Variants in UBR4 observed in about 807,000 individuals in gnomAD.
UBR4 encodes ubiquitin protein ligase E3 component n-recognin 4.
A neutral mutation model predicts 575.6 loss-of-function variants in UBR4; 124 were observed. The observed-to-expected ratio is 0.22, with a 90% CI of 0.19 to 0.25. The LOEUF (loss-of-function observed/expected upper bound fraction) is 0.25. UBR4 is among the 10% of genes least tolerant of loss of function. The probability of loss-of-function intolerance (pLI) is 1.00; values close to 1 mark genes in which losing one functional copy is unlikely to be tolerated. For missense variants in UBR4, 4,818 were observed against 6,478.8 expected, an observed-to-expected ratio of 0.74 and a Z score of 8.80; for synonymous variants, 2,455 against 2,473.7, an observed-to-expected ratio of 0.99 and a Z score of 0.22.
intron 26 of UBR4, among the ~76,000 whole-genome samples, chr1:19,170,530 T>C (rs971882457): frequency 5.3e-5 from 8 of 152,320 alleles, no homozygotes; most frequent in East Asian, 1.9e-4. Context: ...AGATGCAGGA[T>C]TGTGGACAAA....
intron 60 of UBR4, among the ~76,000 whole-genome samples, chr1:19,130,606 T>C (rs2082308997): frequency 6.6e-6 from 1 of 152,230 alleles, no homozygotes; most frequent in Non-Finnish European, 1.5e-5. Context: ...ATGAGCTAAC[T>C]GTTCTTCAGA....
At position 19,117,367 on chromosome 1, in the gene UBR4, G is replaced by T. The variant is rs367755057; in HGVS notation, c.10677C>A (p.Thr3559=). ...SIKVDTRYTT[T]QQVVKLIGSH... ...TGCCAATGAGCTTCACAACCTGCTG[G>T]GTGGTGGTGTACCGCGTGTCCACTT... The change falls in exon 73 of 106, where the codon ACC becomes ACA. Residue 3559 remains threonine, a synonymous_variant. Transcript: ENST00000375254. This position sits in a 1 kb window ranked among gnomAD's most constrained non-coding sequence, Gnocchi z 4.0. 3 of 1,614,158 alleles carry T rather than the reference G, an allele frequency of 1.9e-6. No homozygotes were observed. The South Asian group carries it at 3.3e-5, about 18-fold the overall frequency.
At chr1:19,170,631 C>T in intron 26 of UBR4, 131 bp downstream of exon 26, 1 of 1,255,910 alleles carries the variant, frequency 8.0e-7, no homozygotes, top group East Asian at 2.4e-5. Context: ...GACAAACCTA[C>T]CTAAATGCTT....
intron 60 of UBR4, among the ~76,000 whole-genome samples, chr1:19,131,876 A>AAAAC (rs560879748): frequency 6.6e-6 from 1 of 152,190 alleles, no homozygotes; most frequent in Non-Finnish European, 1.5e-5. Flanking sequence ...TACGTCTGAA[A>AAAAC]AAACAAACAA....
At chr1:19,201,239 T>C (rs2092727618) in intron 2 of UBR4, among the ~76,000 whole-genome samples, 1 of 152,164 alleles carries the variant, frequency 6.6e-6, no homozygotes, top group Non-Finnish European at 1.5e-5. Flanking sequence ...GGATTAGCCA[T>C]TTTGGGGGTA....
At chr1:19,149,313 G>A (rs2085320780) in intron 49 of UBR4, among the ~76,000 whole-genome samples, 1 of 152,198 alleles carries the variant, frequency 6.6e-6, no homozygotes, top group Non-Finnish European at 1.5e-5. Context: ...GCTCTGGACA[G>A]AGAAAGAAAA....
intron 43 of UBR4, 63 bp downstream of exon 43, chr1:19,155,375 AAAG>A: frequency 6.9e-7 from 1 of 1,453,976 alleles, no homozygotes. Context: ...AACAAAGAAA[AAAG>A]AATAGAGGAG....
At chr1:19,075,215 G>A (rs1218782086) in intron 105 of UBR4, 2 of 353,524 alleles carry the variant, frequency 5.7e-6, no homozygotes, top group Non-Finnish European at 1.1e-5. Context: ...TGACCTAGGA[G>A]TGGAAGGCAC....
At position 19,153,993 on chromosome 1, in the gene UBR4, C is replaced by T. The variant is rs774574477; in HGVS notation, c.6459-54G>A. ...GAGTGTCAGTCACCATTTAATAGTT[C>T]TTTTCTTGACCTAAAAACCATCCTC... is the stretch of plus-strand genomic sequence containing the variant. On this transcript the variant is annotated intron_variant, in intron 44 of 105. Coordinates refer to ENST00000375254, the MANE Select transcript of UBR4 (RefSeq NM_020765.3). This position sits in a 1 kb window ranked among gnomAD's most constrained non-coding sequence, Gnocchi z 4.1. 3.4e-5 allele frequency: 53 copies of T among 1,577,694 alleles called. No individual in the cohort carries two copies. Among genetic ancestry groups the T allele is most frequent in the Non-Finnish European group, 4.5e-5 (52 of 1,160,358 alleles).
chr1:19,160,047 T>C lies in UBR4; in HGVS notation c.5577+64A>G, dbSNP rs540312047. ...TACTCCTCAGAGCATCTAGCACATTTTGGGATCTCAATAAATTTGTTGGTT... is the reference window on the plus strand; with the variant it reads ...TACTCCTCAGAGCATCTAGCACATTCTGGGATCTCAATAAATTTGTTGGTT... On this transcript the variant is annotated intron_variant, in intron 39 of 105. Coordinates refer to ENST00000375254, the MANE Select transcript of UBR4 (RefSeq NM_020765.3). 6.6e-5 allele frequency: 104 copies of C among 1,574,314 alleles called. 1 individual carries two copies. The South Asian group carries it at 1.1e-3, about 17-fold the overall frequency.
chr1:19,167,944 T>A (rs1000167653), intron 28 of UBR4, 83 bp downstream of exon 28: 10 of 1,378,090 alleles, frequency 7.3e-6, no homozygotes, highest in Non-Finnish European at 9.6e-6. Flanking sequence ...CATTACTACA[T>A]AGTTATAAAA....
Position 19,167,053 on chromosome 1 carries a change from T to C in UBR4, c.4078A>G (p.Asn1360Asp). The C allele has an allele frequency of 6.2e-7, 1 of 1,614,232 alleles. No homozygotes were observed. Among genetic ancestry groups the C allele is most frequent in the Non-Finnish European group, 8.5e-7 (1 of 1,180,034 alleles). ...VYEKLITGCYNILANHADPNS... is the reference protein window; with the variant it reads ...VYEKLITGCYDILANHADPNS... ...GGATCTGCATGATTGGCCAGAATGT[T>C]GTAACAACCAGTGATCAGCTTCTCA... The change falls in exon 29 of 106, where the codon AAC (asparagine) becomes GAC (aspartate). Residue 1360 changes from asparagine to aspartate, a missense_variant. By Grantham distance (23) the Asn-to-Asp change is conservative. Coordinates refer to ENST00000375254, the MANE Select transcript of UBR4 (RefSeq NM_020765.3).
Position 19,197,248 on chromosome 1 carries a change from A to G in UBR4, c.911T>C (p.Ile304Thr). The G allele has an allele frequency of 6.2e-7, 1 of 1,614,190 alleles. No individual in the cohort carries two copies. The highest frequency in any genetic ancestry group is 1.6e-4 in the Middle Eastern group (1 of 6,062). Residue 304 changes from isoleucine (I) to threonine (T), a missense_variant, in exon 8 of 106, where the codon ATT becomes ACT. Ile to Thr is a moderately conservative substitution (Grantham distance 89, BLOSUM62 -1). Around this residue, in one of 29 missense-constraint regions of UBR4, gnomAD observed 131 missense variants for 214.5 expected, o/e 0.61. Coordinates refer to ENST00000375254, the MANE Select transcript of UBR4 (RefSeq NM_020765.3). ...AVRNGFHSLV[I>T]DVTMALDTLS... ...GGTATCCAATGCCATAGTTACATCAATCACCAATGAATGAAAGCTGGAACA... is the reference window on the plus strand; with the variant it reads ...GGTATCCAATGCCATAGTTACATCAGTCACCAATGAATGAAAGCTGGAACA...
chr1:19,155,877 T>A (rs1349318635), intron 42 of UBR4, among the ~76,000 whole-genome samples: 2 of 152,294 alleles, frequency 1.3e-5, no homozygotes, highest in East Asian at 3.9e-4. Flanking sequence ...CAGACATACA[T>A]AAATAAATTC....
chr1:19,145,508 GACACACACACAC>G lies in UBR4; in HGVS notation c.7945+273_7945+284del, dbSNP rs555050832. 5.5e-5 allele frequency among the ~76,000 whole-genome samples: 8 copies of G among 145,108 alleles called. 1 individual carries two copies. The highest frequency in any genetic ancestry group is 1.3e-4 in the African/African-American group (5 of 38,688). ...TTTAAAAACAATTATAAACCACTGA[GACACACACACAC>G]ACACACACACACACACACACACAGT... On this transcript the variant is annotated intron_variant, in intron 53 of 105. Coordinates refer to ENST00000375254, the MANE Select transcript of UBR4 (RefSeq NM_020765.3).
At chr1:19,126,865 G>C (rs1272094495) in intron 63 of UBR4, among the ~76,000 whole-genome samples, 5 of 152,190 alleles carry the variant, frequency 3.3e-5, no homozygotes, top group Non-Finnish European at 7.3e-5. Context: ...GACAAACAAA[G>C]AAACACATCT....
intron 20 of UBR4, among the ~76,000 whole-genome samples, chr1:19,175,606 T>A (rs529427844): frequency 2.0e-5 from 3 of 152,040 alleles, no homozygotes; most frequent in Admixed American, 2.0e-4. Context: ...CTAGAGATAA[T>A]CTCATGTTCA....
chr1:19,121,053 G>T, intron 68 of UBR4, 136 bp downstream of exon 68: 1 of 1,220,890 alleles, frequency 8.2e-7, no homozygotes, highest in Non-Finnish European at 1.1e-6. Flanking sequence ...ACCAAAAGTA[G>T]ACACTAGAGA....
chr1:19,132,392 G>A (rs929130840), intron 60 of UBR4, among the ~76,000 whole-genome samples: 2 of 151,892 alleles, frequency 1.3e-5, no homozygotes, highest in Admixed American at 1.3e-4. Context: ...ATGTTGAGCA[G>A]GCTGGTTTTG....
Sources: gnomAD v4.1 joint callset for allele counts (sites outside exome capture counted in the v4.1 genomes callset) on GRCh38, gnomAD v4.1.1 for gene constraint, gnomAD v4.1.1 regional missense constraint, Gnocchi (gnomAD v3.1) non-coding constraint, MANE v1.5 for transcripts, NCBI Gene and HGNC (gene_info 2026-07-23, HGNC 2026-07-21) for gene names.